Variants in UCK2 observed in about 807,000 individuals in gnomAD.
The protein encoded by UCK2 is uridine-cytidine kinase 2, also known as cytidine monophosphokinase 2.
Under a neutral mutation model 30.8 loss-of-function variants are expected in UCK2, and 6 were observed. The observed-to-expected ratio is 0.19, with a 90% CI of 0.11 to 0.38. The LOEUF is 0.38. Among genes scored for constraint, UCK2 ranks in the 10% least tolerant of loss-of-function variants. The pLI, the probability that UCK2 is intolerant of heterozygous loss-of-function variation, is 1.00. For missense variants in UCK2, 210 were observed against 339.8 expected (o/e 0.62, Z 3.00); for synonymous variants, 125 against 133.6 (o/e 0.94, Z 0.45).
intron 1 of UCK2, among the ~76,000 whole-genome samples, chr1:165,867,172 G>A (rs965591307): frequency 4.6e-5 from 7 of 152,130 alleles, no homozygotes; most frequent in African/African-American, 9.7e-5. Context: ...ACTAAAAATC[G>A]TAGATACCTT....
chr1:165,902,647 G>C (rs1170522760), intron 4 of UCK2: 1 of 132,450 alleles, frequency 7.6e-6, no homozygotes, highest in African/African-American at 2.7e-5. Flanking sequence ...GAGGTAGGTG[G>C]AAATGGTTAA....
At chr1:165,877,486 C>T (rs956284871) in intron 1 of UCK2, among the ~76,000 whole-genome samples, 10 of 152,178 alleles carry the variant, frequency 6.6e-5, no homozygotes, top group Non-Finnish European at 1.3e-4. Context: ...CACCACTAAT[C>T]GTTCCACAAT....
intron 1 of UCK2, among the ~76,000 whole-genome samples, chr1:165,856,191 G>A (rs903908628): frequency 2.6e-5 from 4 of 151,768 alleles, no homozygotes; most frequent in Admixed American, 2.0e-4. Flanking sequence ...ACTAAGGCCC[G>A]GAAATGAAAG....
At chr1:165,853,356 A>AT (rs373561365) in intron 1 of UCK2, among the ~76,000 whole-genome samples, 2,034 of 149,902 alleles carry the variant, frequency 0.014, 32 homozygotes, top group African/African-American at 0.043. Context: ...CATATTTGAT[A>AT]TTTTTTTTTT....
intron 1 of UCK2, among the ~76,000 whole-genome samples, chr1:165,880,233 A>G (rs1159767406): frequency 6.6e-6 from 1 of 152,194 alleles, no homozygotes; most frequent in Non-Finnish European, 1.5e-5. Flanking sequence ...TGTGTCTCAT[A>G]CCCAGAAGGA....
chr1:165,884,836 T>C (rs1655580093), intron 1 of UCK2, among the ~76,000 whole-genome samples: 2 of 152,226 alleles, frequency 1.3e-5, no homozygotes, highest in South Asian at 4.1e-4. Flanking sequence ...AAGGGGCCTG[T>C]TGATGAGCTG....
chr1:165,876,317 A>G lies in UCK2; in HGVS notation c.100-13887A>G, dbSNP rs147797808. Among the ~76,000 whole-genome samples, 483 of 152,360 alleles carry G rather than the reference A, an allele frequency of 3.2e-3. 8 individuals carry two copies. Among genetic ancestry groups the G allele is most frequent in the African/African-American group, 0.011 (474 of 41,590 alleles). On this transcript the variant is annotated intron_variant, in intron 1 of 6. Transcript: ENST00000367879. The stretch of plus-strand genomic sequence containing the variant: ...ATCTGGAAGTGACATCTTCGTCACC[A>G]AGGAAACAGTAGATTAAGTCCTGTG...
chr1:165,847,890 G>A (rs1006396503), intron 1 of UCK2, among the ~76,000 whole-genome samples: 2 of 151,976 alleles, frequency 1.3e-5, no homozygotes, highest in South Asian at 2.1e-4. Flanking sequence ...TCCTGGGTTC[G>A]GGGTTTCACC....
At chr1:165,832,291 A>G (rs956717650) in intron 1 of UCK2, among the ~76,000 whole-genome samples, 2 of 151,974 alleles carry the variant, frequency 1.3e-5, no homozygotes, top group Non-Finnish European at 2.9e-5. Context: ...TCTTATGCTT[A>G]TTTGTTGACT....
At chr1:165,875,493 G>C (rs146079702) in intron 1 of UCK2, among the ~76,000 whole-genome samples, 1 of 152,264 alleles carries the variant, frequency 6.6e-6, no homozygotes, top group East Asian at 1.9e-4. Flanking sequence ...CAATTTACTT[G>C]CTACACTATT....
chr1:165,851,298 C>T (rs1654590115), intron 1 of UCK2, among the ~76,000 whole-genome samples: 1 of 152,224 alleles, frequency 6.6e-6, no homozygotes. Flanking sequence ...TGGCTTCGCC[C>T]ACAAGCACAG....
At chr1:165,865,192 G>A (rs1180204096) in intron 1 of UCK2, among the ~76,000 whole-genome samples, 1 of 152,144 alleles carries the variant, frequency 6.6e-6, no homozygotes, top group South Asian at 2.1e-4. Flanking sequence ...GTGCAATGAC[G>A]GGCATCTTCC....
Position 165,841,189 on chromosome 1 carries a change from C to CT in UCK2, c.99+13268dup, listed in dbSNP as rs527314893. The stretch of plus-strand genomic sequence containing the variant: ...CAAAATCCTACTGCTGCTGCTGCTG[C>CT]TTTTTTTTTTTGAGATGGAGTTTTG... On this transcript the variant is annotated intron_variant, in intron 1 of 6. Transcript: ENST00000367879. 1.1e-3 allele frequency among the ~76,000 whole-genome samples: 162 copies of CT among 144,208 alleles called. No homozygotes were observed. In the East Asian group the frequency reaches 0.016, roughly 14 times the overall value. The allele number at this position is 144,208 out of a possible 152,430, so 94.6% of individuals were successfully genotyped here.
In UCK2 at chr1:165,909,804, C is replaced by T. The variant is rs1647792216; in HGVS notation, c.*1981C>T. ...TTAGTATCCTGAGGACACAGGGCCC[C>T]TGGCCTTGATGGCACTGGGCTGTGC... On this transcript the variant is annotated 3_prime_UTR_variant, in exon 7 of 7. Transcript: ENST00000367879. 6.6e-6 allele frequency: 1 copy of T among 152,378 alleles called. No individual in the cohort carries two copies. Among genetic ancestry groups the T allele is most frequent in the South Asian group, 2.1e-4 (1 of 4,836 alleles). 9.4% of individuals were successfully genotyped at this position (152,378 alleles called of 1,614,324 possible).
intron 1 of UCK2, among the ~76,000 whole-genome samples, chr1:165,887,860 T>C (rs1474145710): frequency 1.3e-5 from 2 of 152,232 alleles, no homozygotes; most frequent in African/African-American, 4.8e-5. Context: ...ATGAAAGTTT[T>C]ACTGTTCTGT....
chr1:165,902,800 G>C (rs1466832498), intron 4 of UCK2: 1 of 176,160 alleles, frequency 5.7e-6, no homozygotes, highest in African/African-American at 2.4e-5. Flanking sequence ...GCAGCGTGCA[G>C]CCCAGCCCTC....
chr1:165,886,854 A>G (rs1319891772), intron 1 of UCK2, among the ~76,000 whole-genome samples: 5 of 152,200 alleles, frequency 3.3e-5, no homozygotes, highest in Admixed American at 2.0e-4. Context: ...ACCAAACCCT[A>G]TGTACATGTC....
intron 5 of UCK2, among the ~76,000 whole-genome samples, chr1:165,905,702 A>G (rs1647634567): frequency 6.6e-6 from 1 of 152,038 alleles, no homozygotes; most frequent in Non-Finnish European, 1.5e-5. Context: ...TTTCATTCAC[A>G]TTTCAGCTAA....
intron 1 of UCK2, among the ~76,000 whole-genome samples, chr1:165,858,774 G>A (rs919478002): frequency 1.3e-5 from 2 of 152,146 alleles, no homozygotes; most frequent in East Asian, 3.9e-4. Flanking sequence ...CAGTGACCTG[G>A]CCAGGGTCAC....
Sources: allele counts gnomAD v4.1 joint callset (sites outside exome capture counted in the v4.1 genomes callset), GRCh38; gene constraint gnomAD v4.1.1; transcripts MANE v1.5; gene names NCBI Gene and HGNC (gene_info 2026-07-23, HGNC 2026-07-21).